TNFRSF14: variants seen among roughly 807,000 people sequenced by gnomAD.
TNFRSF14 encodes the protein TNF receptor superfamily member 14, also known as tumor necrosis factor receptor superfamily member 14.
Under a neutral mutation model 34.1 loss-of-function variants are expected in TNFRSF14, and 18 were observed. The observed-to-expected ratio is 0.53, with a 90% confidence interval of 0.36 to 0.78. TNFRSF14 has a LOEUF of 0.78. Ranked by LOEUF, TNFRSF14 falls within the 30% of genes least tolerant of loss-of-function variation. The probability of loss-of-function intolerance (pLI) is 0.00; values close to 1 mark genes in which losing one functional copy is unlikely to be tolerated. For missense variants in TNFRSF14, 352 were observed against 379.5 expected (o/e 0.93, Z 0.60); for synonymous variants, 157 against 153.2 (o/e 1.02, Z -0.18).
At chr1:2,558,952 C>A in intron 3 of TNFRSF14, 2 of 1,365,988 alleles carry the variant, frequency 1.5e-6, no homozygotes, top group Non-Finnish European at 1.9e-6. Context: ...TCCAGGCAGA[C>A]AGAAAGGGGA....
chr1:2,558,890 C>T (rs1302186553), intron 3 of TNFRSF14: 2 of 1,340,140 alleles, frequency 1.5e-6, no homozygotes, highest in African/African-American at 2.9e-5. Flanking sequence ...GATATTGGTT[C>T]CCCCTGTGAC....
rs572222644 is a variant in TNFRSF14, at chr1:2,559,724, C to T, written c.305-99C>T. On this transcript the variant is annotated intron_variant, in intron 3 of 7. Coordinates refer to ENST00000355716, the MANE Select transcript of TNFRSF14 (RefSeq NM_003820.4). ...GAGCCAGGGGTTCAGCCTGGCAGGGCGCCCTGGCAGCAGTCCTTGGCCTGT... is the reference window on the plus strand; with the variant it reads ...GAGCCAGGGGTTCAGCCTGGCAGGGTGCCCTGGCAGCAGTCCTTGGCCTGT... 86 of 1,537,848 alleles carry T rather than the reference C, an allele frequency of 5.6e-5. No homozygotes were observed. The East Asian group carries it at 8.3e-4, about 15-fold the overall frequency.
chr1:2,557,918 C>A, intron 2 of TNFRSF14, 84 bp downstream of exon 2: 1 of 1,157,568 alleles, frequency 8.6e-7, no homozygotes, highest in South Asian at 1.5e-5. Flanking sequence ...CCCCTGTGTT[C>A]TCTGCCCCCA....
Position 2,561,913 on chromosome 1 carries a change from A to T in TNFRSF14, c.694+98A>T. The T allele has an allele frequency of 3.7e-6, 5 of 1,349,938 alleles. No individual in the cohort carries two copies. The highest frequency in any genetic ancestry group is 5.1e-6 in the Non-Finnish European group (5 of 982,496). The allele number at this position is 1,349,938 out of a possible 1,614,324, so 83.6% of individuals were successfully genotyped here. A position where few individuals can be genotyped will look rare whatever the true frequency, so the allele number is the denominator to read the frequency against. ...TGGGAGGTGGCCCCAGAGCTTTTCC[A>T]GGATCCGCGGCTCCTCCCAGGGCAG... On this transcript the variant is annotated intron_variant, in intron 6 of 7. Transcript: ENST00000355716. This position sits in a 1 kb window ranked among gnomAD's most constrained non-coding sequence, Gnocchi z 6.0.
At position 2,556,565 on chromosome 1, in the gene TNFRSF14, C is replaced by T. The variant is rs1182774442; in HGVS notation, c.-100C>T. ...CGAGGCGGATTCTCTTTCTCTTTCT[C>T]TTTCTCTTCTGGCCCACAGCCGCAG... On this transcript the variant is annotated 5_prime_UTR_variant, in exon 1 of 8. Coordinates refer to ENST00000355716, the MANE Select transcript of TNFRSF14 (RefSeq NM_003820.4). The T allele has an allele frequency of 1.7e-6, 2 of 1,201,656 alleles. No homozygotes were observed. The highest frequency in any genetic ancestry group is 2.6e-5 in the South Asian group (2 of 77,238). The allele number at this position is 1,201,656 out of a possible 1,614,324, so 74.4% of individuals were successfully genotyped here.
rs898182326 is a variant in TNFRSF14, at chr1:2,561,289, C to T, written c.552-384C>T. ...CCTCTGGCCCCAGCTCAGTCCTGTC[C>T]ATCTCCAGCTCTAACCATTTTTGTC... On this transcript the variant is annotated intron_variant, in intron 5 of 7. Coordinates refer to ENST00000355716, the MANE Select transcript of TNFRSF14 (RefSeq NM_003820.4). This position sits in a 1 kb window ranked among gnomAD's most constrained non-coding sequence, Gnocchi z 6.0. 10 of 568,870 alleles carry T rather than the reference C, an allele frequency of 1.8e-5. No homozygotes were observed. Among genetic ancestry groups the T allele is most frequent in the Non-Finnish European group, 2.8e-5 (9 of 320,230 alleles). The allele number at this position is 568,870 out of a possible 1,614,324, so 35.2% of individuals were successfully genotyped here. A position where few individuals can be genotyped will look rare whatever the true frequency, so the allele number is the denominator to read the frequency against.
intron 6 of TNFRSF14, 86 bp from the exon 7 acceptor site, chr1:2,562,779 C>T (rs1204017851): frequency 2.6e-5 from 40 of 1,553,818 alleles, no homozygotes; most frequent in East Asian, 6.7e-5. Context: ...GTTGTGCCTC[C>T]GCCACCGCTG....
intron 4 of TNFRSF14, 28 bp from the exon 5 acceptor site, chr1:2,560,596 C>A: frequency 1.3e-6 from 2 of 1,592,952 alleles, no homozygotes; most frequent in Non-Finnish European, 1.7e-6. Context: ...GTGCCCTCAG[C>A]CCCCTCTGTC....
At chr1:2,559,580 C>T (rs1460665111) in intron 3 of TNFRSF14, 19 of 1,529,278 alleles carry the variant, frequency 1.2e-5, no homozygotes, top group South Asian at 3.6e-5. Flanking sequence ...CTCCCATCAA[C>T]GAAGCCCTCC....
At chr1:2,555,831 T>G (rs1026886480), upstream of TNFRSF14, 1 of 153,868 alleles carries the variant, frequency 6.5e-6, no homozygotes, top group African/African-American at 2.4e-5. The surrounding 1 kb of genome is among the most constrained non-coding windows in gnomAD (Gnocchi z 6.3). Context: ...TCCGGGACTG[T>G]GGGCTGTCTC....
Position 2,556,437 on chromosome 1 carries a change from C to G in TNFRSF14, c.-228C>G. 1 of 697,682 alleles carries G rather than the reference C, an allele frequency of 1.4e-6. No homozygotes were observed. Among genetic ancestry groups the G allele is most frequent in the East Asian group, 2.7e-5 (1 of 37,022 alleles). 43.2% of individuals were successfully genotyped at this position (697,682 alleles called of 1,614,324 possible). ...CTCCCGCAGGGCCCACCTGTGTCCC[C>G]CAGCGCCGCTCCACCCAGCAGGCCT... On this transcript the variant is annotated 5_prime_UTR_variant, in exon 1 of 8. Coordinates refer to ENST00000355716, the MANE Select transcript of TNFRSF14 (RefSeq NM_003820.4).
At chr1:2,559,722 G>T in intron 3 of TNFRSF14, 101 bp from the exon 4 acceptor site, 1 of 1,537,744 alleles carries the variant, frequency 6.5e-7, no homozygotes, top group South Asian at 1.2e-5. Flanking sequence ...AGCCTGGCAG[G>T]GCGCCCTGGC....
intron 3 of TNFRSF14, chr1:2,559,255 T>G (rs1307950310): frequency 7.3e-7 from 1 of 1,368,906 alleles, no homozygotes; most frequent in African/African-American, 1.4e-5. Context: ...GCATGCCCAG[T>G]TCCATGCCCC....
At chr1:2,555,425 T>C (rs1045050192), upstream of TNFRSF14, 2 of 151,958 alleles carry the variant, frequency 1.3e-5, no homozygotes, top group Admixed American at 1.3e-4. The surrounding 1 kb of genome is among the most constrained non-coding windows in gnomAD (Gnocchi z 6.3). Flanking sequence ...CAGGTGAGGG[T>C]GGGCGCAATC....
At chr1:2,560,784 T>C in intron 5 of TNFRSF14, 70 bp downstream of exon 5, 1 of 1,421,982 alleles carries the variant, frequency 7.0e-7, no homozygotes, top group East Asian at 2.3e-5. Flanking sequence ...CCCTGGGAGA[T>C]GACCGTCTTC....
intron 3 of TNFRSF14, chr1:2,559,345 G>A (rs900137713): frequency 1.6e-5 from 22 of 1,374,450 alleles, no homozygotes; most frequent in Non-Finnish European, 1.9e-5. Flanking sequence ...CCTCAGGAGG[G>A]GCCCAGGCCC....
upstream of TNFRSF14, chr1:2,555,606 CT>C (rs1478199416): frequency 6.5e-6 from 1 of 152,966 alleles, no homozygotes; most frequent in African/African-American, 2.4e-5. The surrounding 1 kb of genome is among the most constrained non-coding windows in gnomAD (Gnocchi z 6.3). Flanking sequence ...GTGGGGGTTC[CT>C]GGTGTGCAGC....
intron 3 of TNFRSF14, chr1:2,559,612 C>G (rs1251712722): frequency 3.9e-6 from 6 of 1,533,772 alleles, no homozygotes; most frequent in African/African-American, 1.4e-5. Context: ...TGCAAGCCCT[C>G]GTCCCACACG....
rs560616973 is a variant in TNFRSF14, at chr1:2,558,005, C to A, written c.178+171C>A. 4.3e-4 allele frequency among the ~76,000 whole-genome samples: 66 copies of A among 152,336 alleles called. 2 individuals carry two copies. In the South Asian group the frequency reaches 0.012, roughly 28 times the overall value. ...AGAACCCCCAGGCCAGCAGCTTGGA[C>A]TCTTCACCCTGGGGGACCCTCACAG... On this transcript the variant is annotated intron_variant, in intron 2 of 7. Coordinates refer to ENST00000355716, the MANE Select transcript of TNFRSF14 (RefSeq NM_003820.4).
Sources: allele counts gnomAD v4.1 joint callset (sites outside exome capture counted in the v4.1 genomes callset), GRCh38; gene constraint gnomAD v4.1.1; non-coding constraint Gnocchi (gnomAD v3.1); transcripts MANE v1.5; gene names NCBI Gene and HGNC (gene_info 2026-07-23, HGNC 2026-07-21).